PLXDC2: variants seen among roughly 807,000 people sequenced by gnomAD.
PLXDC2 encodes plexin domain containing 2, also known as plexin domain-containing protein 2.
Under a neutral mutation model 68.9 loss-of-function variants are expected in PLXDC2, and 40 were observed. That is an observed-to-expected ratio of 0.58 (90% CI 0.45 to 0.76). The LOEUF is 0.76. PLXDC2 is among the 30% of genes least tolerant of loss of function. The pLI is 0.00. For missense variants in PLXDC2, 644 were observed against 661.9 expected, an observed-to-expected ratio of 0.97 and a Z score of 0.30; for synonymous variants, 243 against 234.2, an observed-to-expected ratio of 1.04 and a Z score of -0.34.
chr10:20,222,478 C>T (rs1453515382), intron 12 of PLXDC2, among the ~76,000 whole-genome samples: 1 of 152,140 alleles, frequency 6.6e-6, no homozygotes, highest in Non-Finnish European at 1.5e-5. Flanking sequence ...TATATTAGGT[C>T]CAGTTAGAGC....
At chr10:20,198,799 T>G (rs1481192985) in intron 9 of PLXDC2, among the ~76,000 whole-genome samples, 1 of 152,164 alleles carries the variant, frequency 6.6e-6, no homozygotes, top group African/African-American at 2.4e-5. Flanking sequence ...TACTTTGCAT[T>G]CATATGAAGA....
chr10:20,266,772 G>A (rs923359709), intron 13 of PLXDC2, among the ~76,000 whole-genome samples: 3 of 152,030 alleles, frequency 2.0e-5, no homozygotes, highest in Admixed American at 2.0e-4. Context: ...TCTTATTCTT[G>A]GTGAATTCTA....
intron 1 of PLXDC2, among the ~76,000 whole-genome samples, chr10:19,908,448 C>T (rs1833206429): frequency 6.6e-6 from 1 of 150,656 alleles, no homozygotes; most frequent in African/African-American, 2.4e-5. Context: ...TAATGTACTG[C>T]TGAAAGTTTA....
chr10:20,051,708 C>A (rs113301417), intron 3 of PLXDC2, among the ~76,000 whole-genome samples: 2 of 151,876 alleles, frequency 1.3e-5, no homozygotes, highest in African/African-American at 4.8e-5. Context: ...AAAAACAAAT[C>A]TCTTATTTGG....
At chr10:20,034,199 A>G (rs1291327181) in intron 2 of PLXDC2, among the ~76,000 whole-genome samples, 2 of 152,218 alleles carry the variant, frequency 1.3e-5, no homozygotes, top group Admixed American at 1.3e-4. Flanking sequence ...TCAAGTTTTT[A>G]AAATGCAATC....
intron 2 of PLXDC2, among the ~76,000 whole-genome samples, chr10:20,042,957 G>A (rs1835710339): frequency 6.6e-6 from 1 of 152,122 alleles, no homozygotes; most frequent in South Asian, 2.1e-4. Context: ...GCATATCACA[G>A]TAGTGCTTTG....
chr10:19,883,957 G>A (rs889280533), intron 1 of PLXDC2, among the ~76,000 whole-genome samples: 6 of 139,502 alleles, frequency 4.3e-5, no homozygotes, highest in Non-Finnish European at 7.6e-5. Context: ...GTGGTGGCGT[G>A]ATTGATCTCG....
Position 20,284,669 on chromosome 10 carries a change from A to G in PLXDC2, c.*4850A>G, listed in dbSNP as rs547588244. 4 of 152,170 alleles carry G rather than the reference A, an allele frequency of 2.6e-5. No homozygotes were observed. Among genetic ancestry groups the G allele is most frequent in the African/African-American group, 7.2e-5 (3 of 41,528 alleles). The allele number at this position is 152,170 out of a possible 1,614,324, so 9.4% of individuals were successfully genotyped here. On this transcript the variant is annotated 3_prime_UTR_variant, in exon 14 of 14. Transcript: ENST00000377252. ...GATAAGTAAACTGAGGCCCAAAGAGATATAGTAATAGTCCCAGTGTCAGTA... is the reference window on the plus strand; with the variant it reads ...GATAAGTAAACTGAGGCCCAAAGAGGTATAGTAATAGTCCCAGTGTCAGTA...
chr10:20,240,237 G>A (rs756480380), intron 12 of PLXDC2, among the ~76,000 whole-genome samples: 4 of 152,080 alleles, frequency 2.6e-5, no homozygotes, highest in East Asian at 1.9e-4. Context: ...ACCTCTTTCC[G>A]TGTTGCTTCC....
At chr10:20,126,491 C>T (rs111218044) in intron 4 of PLXDC2, among the ~76,000 whole-genome samples, 3,193 of 8,990 alleles carry the variant, frequency 0.36, 1,107 homozygotes, top group Non-Finnish European at 0.56. Flanking sequence ...ATAACACACA[C>T]GTTATATATG....
At chr10:19,951,794 A>G (rs185396165) in intron 1 of PLXDC2, among the ~76,000 whole-genome samples, 5 of 152,338 alleles carry the variant, frequency 3.3e-5, no homozygotes, top group Admixed American at 3.3e-4. Flanking sequence ...AGACATAAAC[A>G]CCATGGACTA....
At chr10:19,844,522 G>A (rs564426122) in intron 1 of PLXDC2, among the ~76,000 whole-genome samples, 16 of 152,162 alleles carry the variant, frequency 1.1e-4, no homozygotes, top group South Asian at 4.2e-4. Flanking sequence ...TTTCTAATGC[G>A]ATGTTGAGGT....
intron 1 of PLXDC2, among the ~76,000 whole-genome samples, chr10:19,947,968 A>G (rs1444235160): frequency 6.6e-6 from 1 of 152,158 alleles, no homozygotes; most frequent in Non-Finnish European, 1.5e-5. Flanking sequence ...AGGGTCCAAT[A>G]AGATATTTTA....
At position 20,189,860 on chromosome 10, in the gene PLXDC2, A is replaced by G. The variant is rs560617760; in HGVS notation, c.1061+12451A>G. Among the ~76,000 whole-genome samples, 3 of 151,748 alleles carry G rather than the reference A, an allele frequency of 2.0e-5. No homozygotes were observed. The South Asian group carries it at 6.2e-4, about 31-fold the overall frequency. On this transcript the variant is annotated intron_variant, in intron 9 of 13. Transcript: ENST00000377252. Reference sequence around the variant, plus strand: ...TCTTCTTTTGGCCACTGAGTCATCTACCAGTCTTTAATGAGGGACGTGGAT... The same window carrying G: ...TCTTCTTTTGGCCACTGAGTCATCTGCCAGTCTTTAATGAGGGACGTGGAT...
At chr10:19,961,847 G>A (rs1052031172) in intron 1 of PLXDC2, among the ~76,000 whole-genome samples, 15 of 152,190 alleles carry the variant, frequency 9.9e-5, no homozygotes, top group Non-Finnish European at 8.8e-5. Context: ...ATACTAGGAG[G>A]GCCCTCAAAA....
intron 13 of PLXDC2, among the ~76,000 whole-genome samples, chr10:20,251,036 A>G (rs1835668624): frequency 6.6e-6 from 1 of 152,238 alleles, no homozygotes; most frequent in Non-Finnish European, 1.5e-5. Context: ...TCATCACTCC[A>G]TAAACAAGTG....
intron 1 of PLXDC2, among the ~76,000 whole-genome samples, chr10:19,934,776 G>C (rs997089448): frequency 6.6e-6 from 1 of 152,086 alleles, no homozygotes; most frequent in African/African-American, 2.4e-5. Flanking sequence ...GTTTCTTCAG[G>C]GGTTCCCTGA....
chr10:20,184,870 C>A (rs1257605828), intron 9 of PLXDC2, among the ~76,000 whole-genome samples: 1 of 151,550 alleles, frequency 6.6e-6, no homozygotes, highest in Non-Finnish European at 1.5e-5. Flanking sequence ...AAGATGGAAA[C>A]AATAATTCTC....
At chr10:20,081,974 G>A (rs1379882774) in intron 4 of PLXDC2, among the ~76,000 whole-genome samples, 1 of 148,170 alleles carries the variant, frequency 6.7e-6, no homozygotes, top group Non-Finnish European at 1.5e-5. Context: ...GAACCCAGGA[G>A]GCAGAGGTTG....
Sources: gnomAD v4.1 joint callset for allele counts (sites outside exome capture counted in the v4.1 genomes callset) on GRCh38, gnomAD v4.1.1 for gene constraint, MANE v1.5 for transcripts, NCBI Gene and HGNC (gene_info 2026-07-23, HGNC 2026-07-21) for gene names.